The following PDE1B variants were observed in gnomAD, a reference collection of about 807,000 sequenced individuals.
PDE1B encodes phosphodiesterase 1B.
A neutral mutation model predicts 66.7 loss-of-function variants in PDE1B; 13 were observed. That is an observed-to-expected ratio of 0.19 (90% CI 0.13 to 0.31). PDE1B has a LOEUF of 0.31. PDE1B is among the 10% of genes least tolerant of loss of function. PDE1B has a pLI of 1.00. For missense variants in PDE1B, 485 were observed against 682.3 expected (o/e 0.71, Z 3.22); for synonymous variants, 230 against 253.9 (o/e 0.91, Z 0.90).
In PDE1B at chr12:54,573,870, A is replaced by AGAGAGAGAGAGAGTGT. The variant is rs774810310; in HGVS notation, c.1064+162_1064+163insAGAGAGAGAGAGTGTG. The AGAGAGAGAGAGAGTGT allele has an allele frequency of 1.4e-5, 7 of 502,006 alleles. No individual in the cohort carries two copies. Among genetic ancestry groups the AGAGAGAGAGAGAGTGT allele is most frequent in the African/African-American group, 1.3e-4 (6 of 44,864 alleles). 31.1% of individuals were successfully genotyped at this position (502,006 alleles called of 1,614,324 possible). On this transcript the variant is annotated intron_variant, in intron 10 of 15. Coordinates refer to ENST00000243052, the MANE Select transcript of PDE1B (RefSeq NM_000924.4). This position sits in a 1 kb window ranked among gnomAD's most constrained non-coding sequence, Gnocchi z 5.2. The stretch of plus-strand genomic sequence containing the variant: ...GCATCTCTATGTGAGAGAGAGAGAG[A>AGAGAGAGAGAGAGTGT]GTGTGTGTGTGTGTGTGTGTGTGTG...
chr12:54,550,212 A>ATGTGCC lies in PDE1B; in HGVS notation c.113+238_113+243dup, dbSNP rs1471646713. 4 of 1,388,092 alleles carry ATGTGCC rather than the reference A, an allele frequency of 2.9e-6. No individual in the cohort carries two copies. In the African/African-American group the frequency reaches 5.8e-5, roughly 20 times the overall value. The allele number at this position is 1,388,092 out of a possible 1,614,324, so 86.0% of individuals were successfully genotyped here. A position where few individuals can be genotyped will look rare whatever the true frequency, so the allele number is the denominator to read the frequency against. ...GGGCTTAGGAGTTGCAAAGGTAACG[A>ATGTGCC]TGTGCCTGTGCCTGTGGACCCCAGG... On this transcript the variant is annotated intron_variant, in intron 2 of 15. Coordinates refer to ENST00000243052, the MANE Select transcript of PDE1B (RefSeq NM_000924.4).
chr12:54,572,505 A>G, intron 6 of PDE1B, 96 bp from the exon 7 acceptor site: 2 of 1,199,342 alleles, frequency 1.7e-6, no homozygotes, highest in Non-Finnish European at 2.5e-6. Context: ...TCCCTATGCC[A>G]CACTGCCTTC....
At chr12:54,571,890 C>A (rs1957622050) in intron 6 of PDE1B, 1 of 152,252 alleles carries the variant, frequency 6.6e-6, no homozygotes, top group African/African-American at 2.4e-5. Context: ...ACAGAAACCT[C>A]CCGAGTCCTG....
At chr12:54,577,434 A>T in intron 15 of PDE1B, 89 bp downstream of exon 15, 1 of 1,607,676 alleles carries the variant, frequency 6.2e-7, no homozygotes, top group East Asian at 2.2e-5. Context: ...TGGATGCGAC[A>T]TTCTCTCTCC....
chr12:54,577,746 A>AT (rs927275674), intron 15 of PDE1B, 114 bp from the exon 16 acceptor site: 6 of 498,014 alleles, frequency 1.2e-5, no homozygotes, highest in Non-Finnish European at 2.1e-5. Flanking sequence ...TCTGAAGGGC[A>AT]TTTTTTGCAC....
chr12:54,557,622 C>G (rs1957358545), intron 2 of PDE1B, among the ~76,000 whole-genome samples: 1 of 152,230 alleles, frequency 6.6e-6, no homozygotes, highest in African/African-American at 2.4e-5. Flanking sequence ...GATCCATAAT[C>G]TGATGCTGCC....
At chr12:54,558,912 C>T (rs2121053081) in intron 2 of PDE1B, among the ~76,000 whole-genome samples, 1 of 152,240 alleles carries the variant, frequency 6.6e-6, no homozygotes, top group East Asian at 1.9e-4. Flanking sequence ...TGTTCTCATA[C>T]CATATCTCAT....
chr12:54,564,702 T>TC (rs1413630128), intron 2 of PDE1B, among the ~76,000 whole-genome samples: 3 of 152,176 alleles, frequency 2.0e-5, no homozygotes, highest in African/African-American at 7.2e-5. Context: ...AAATACTGAT[T>TC]CAGCAGCTGT....
At chr12:54,572,427 G>T in intron 6 of PDE1B, 174 bp from the exon 7 acceptor site, 5 of 664,834 alleles carry the variant, frequency 7.5e-6, no homozygotes, top group Non-Finnish European at 1.4e-5. Flanking sequence ...CTTACCCAAG[G>T]TTGCACAGCC....
rs1015627548 is a variant in PDE1B at position 54,576,420 on chromosome 12, G to C, written c.1377-151G>C. 3.7e-6 allele frequency: 3 copies of C among 818,748 alleles called. No homozygotes were observed. The African/African-American group carries it at 5.1e-5, about 14-fold the overall frequency. 50.7% of individuals were successfully genotyped at this position (818,748 alleles called of 1,614,324 possible). On this transcript the variant is annotated intron_variant, in intron 13 of 15. Transcript: ENST00000243052. ...GGGTGAAATGAGGGGGAGAGGGACA[G>C]GGACTTGGGGAATATCTAGTAGAGG...
At chr12:54,576,781 C>A (rs981805620) in intron 14 of PDE1B, 80 bp downstream of exon 14, 3 of 1,454,656 alleles carry the variant, frequency 2.1e-6, no homozygotes, top group African/African-American at 1.4e-5. Context: ...TTTTCTTAAG[C>A]CCCTGGGGAA....
chr12:54,551,091 G>T lies in PDE1B; in HGVS notation c.113+1106G>T, dbSNP rs375672401. ...CACAGTAAACATAGCCCTGAACCCA[G>T]TTCCTCCTCAATGTTCTCCATAGTG... On this transcript the variant is annotated intron_variant, in intron 2 of 15. Coordinates refer to ENST00000243052, the MANE Select transcript of PDE1B (RefSeq NM_000924.4). Among the ~76,000 whole-genome samples the T allele has an allele frequency of 2.0e-5, 3 of 152,210 alleles. No individual in the cohort carries two copies. In the East Asian group the frequency reaches 5.8e-4, roughly 29 times the overall value.
chr12:54,577,168 G>T, intron 14 of PDE1B, 57 bp from the exon 15 acceptor site: 1 of 1,419,858 alleles, frequency 7.0e-7, no homozygotes, highest in South Asian at 1.2e-5. Context: ...TACTCCTTGG[G>T]TTCTGGGGAA....
Position 54,577,518 on chromosome 12 carries a change from C to T in PDE1B, c.*17+173C>T, listed in dbSNP as rs76210483. 9.0e-4 allele frequency: 1,417 copies of T among 1,575,348 alleles called. 7 individuals carry two copies. The African/African-American group carries it at 0.015, about 16-fold the overall frequency. On this transcript the variant is annotated intron_variant, in intron 15 of 15. Coordinates refer to ENST00000243052, the MANE Select transcript of PDE1B (RefSeq NM_000924.4). ...AGTGTGGGTGGAGCAGGGAAATCCTCCCACGCTCTTCTGTCCCCCAGTCCC... is the reference window on the plus strand; with the variant it reads ...AGTGTGGGTGGAGCAGGGAAATCCTTCCACGCTCTTCTGTCCCCCAGTCCC...
Position 54,575,785 on chromosome 12 carries a change from C to A in PDE1B, c.1267+153C>A. 1.4e-6 allele frequency: 1 copy of A among 725,812 alleles called. No individual in the cohort carries two copies. Among genetic ancestry groups the A allele is most frequent in the Non-Finnish European group, 2.4e-6 (1 of 413,752 alleles). The allele number at this position is 725,812 out of a possible 1,614,324, so 45.0% of individuals were successfully genotyped here. A position where few individuals can be genotyped will look rare whatever the true frequency, so the allele number is the denominator to read the frequency against. ...AGCATGGGGTCCTGGGTTAGGAGGC[C>A]AGGGGGCTGCAATGGCAGGAAGGAG... is the stretch of plus-strand genomic sequence containing the variant. On this transcript the variant is annotated intron_variant, in intron 12 of 15. Transcript: ENST00000243052. This position sits in a 1 kb window ranked among gnomAD's most constrained non-coding sequence, Gnocchi z 4.0.
intron 6 of PDE1B, chr12:54,571,888 C>T (rs1437256278): frequency 6.6e-6 from 1 of 152,262 alleles, no homozygotes; most frequent in East Asian, 1.9e-4. Context: ...CTACAGAAAC[C>T]TCCCGAGTCC....
chr12:54,564,610 G>T (rs1164884247), intron 2 of PDE1B, among the ~76,000 whole-genome samples: 2 of 152,012 alleles, frequency 1.3e-5, no homozygotes, highest in Admixed American at 1.3e-4. Context: ...GACAAAGTGA[G>T]ATCCTGTCTC....
chr12:54,563,668 A>G (rs1957461693), intron 2 of PDE1B, among the ~76,000 whole-genome samples: 1 of 152,206 alleles, frequency 6.6e-6, no homozygotes, highest in Non-Finnish European at 1.5e-5. Context: ...TATTCAAATT[A>G]CATTTTTGGA....
chr12:54,558,663 A>G (rs1565693233), intron 2 of PDE1B, among the ~76,000 whole-genome samples: 1 of 152,186 alleles, frequency 6.6e-6, no homozygotes, highest in Non-Finnish European at 1.5e-5. Context: ...GGCCTCTGGA[A>G]TAAGAAGCCA....
Sources: gnomAD v4.1 joint callset for allele counts (sites outside exome capture counted in the v4.1 genomes callset) on GRCh38, gnomAD v4.1.1 for gene constraint, Gnocchi (gnomAD v3.1) non-coding constraint, MANE v1.5 for transcripts, NCBI Gene and HGNC (gene_info 2026-07-23, HGNC 2026-07-21) for gene names.